The following BSN variants were observed in gnomAD, a reference collection of about 807,000 sequenced individuals.
BSN encodes the protein bassoon presynaptic cytomatrix protein, also known as protein bassoon.
A neutral mutation model predicts 264.8 loss-of-function variants in BSN; 57 were observed. The ratio of observed to expected loss-of-function variants is 0.22; its 90% CI spans 0.17 to 0.27. BSN has a LOEUF of 0.27. Among genes scored for constraint, BSN ranks in the 10% least tolerant of loss-of-function variants. The pLI, the probability that BSN is intolerant of heterozygous loss-of-function variation, is 1.00. For synonymous variants in BSN, 2,059 were observed against 2,137.3 expected (o/e 0.96, Z 1.01); for missense variants, 4,615 against 5,232.5 (o/e 0.88, Z 3.64).
At chr3:49,589,569 C>T (rs1158888796) in intron 1 of BSN, among the ~76,000 whole-genome samples, 1 of 148,714 alleles carries the variant, frequency 6.7e-6, no homozygotes, top group Non-Finnish European at 1.5e-5. Context: ...TGCAGTTGCG[C>T]AATCTCAGCT....
Position 49,655,383 on chromosome 3 carries a change from G to A in BSN, c.5827G>A (p.Gly1943Ser). ...PPGQSSSPFY[G>S]PRDPEPPEPP... is the part of the protein sequence containing the mutation. Reference sequence around the variant, plus strand: ...TGGCCAAAGCAGCAGCCCCTTCTATGGTCCCCGGGACCCTGAGCCTCCTGA... The same window carrying A: ...TGGCCAAAGCAGCAGCCCCTTCTATAGTCCCCGGGACCCTGAGCCTCCTGA... The change falls in exon 5 of 12, where the codon GGT (glycine) becomes AGT (serine). Residue 1943 changes from glycine (G) to serine (S), a missense_variant. Coordinates refer to ENST00000296452, the MANE Select transcript of BSN (RefSeq NM_003458.4). 1 of 1,583,284 alleles carries A rather than the reference G, an allele frequency of 6.3e-7. No individual in the cohort carries two copies. Among genetic ancestry groups the A allele is most frequent in the Non-Finnish European group, 8.6e-7 (1 of 1,164,438 alleles).
At position 49,661,560 on chromosome 3, in the gene BSN, G is replaced by A. The variant is rs756519701; in HGVS notation, c.9715G>A (p.Glu3239Lys). ...RNYVMIDDIS[E>K]LTKDSTSTAP... ...CTACGTAATGATTGATGACATCAGTGAACTGACCAAGGACAGCACCTCTAC... is the reference window on the plus strand; with the variant it reads ...CTACGTAATGATTGATGACATCAGTAAACTGACCAAGGACAGCACCTCTAC... The change falls in exon 6 of 12, where the codon GAA (glutamate) becomes AAA (lysine). Residue 3239 changes from glutamate (E) to lysine (K), a missense_variant. Coordinates refer to ENST00000296452, the MANE Select transcript of BSN (RefSeq NM_003458.4). 5 of 1,613,882 alleles carry A rather than the reference G, an allele frequency of 3.1e-6. No homozygotes were observed. Among genetic ancestry groups the A allele is most frequent in the East Asian group, 2.2e-5 (1 of 44,900 alleles).
At chr3:49,555,096 C>T (rs1448165542) in intron 1 of BSN, among the ~76,000 whole-genome samples, 4 of 152,208 alleles carry the variant, frequency 2.6e-5, no homozygotes, top group African/African-American at 9.6e-5. Flanking sequence ...TTCTCCCCAA[C>T]GCTCGGGCCT....
intron 1 of BSN, among the ~76,000 whole-genome samples, chr3:49,617,283 T>TTA (rs6147817): frequency 0.015 from 1,855 of 121,592 alleles, 13 homozygotes; most frequent in African/African-American, 0.026. Flanking sequence ...ATAAAATACA[T>TTA]TATATATATA....
Position 49,662,315 on chromosome 3 carries a change from C to T in BSN, c.10470C>T (p.His3490=). ...AGCCCTCATCCCTAAGTATGGCCCA[C>T]AGCCGGGTACGACCCCCCATGCGGA... ...GPKPSSLSMA[H]SRVRPPMRSQ... is the part of the protein sequence containing the mutation. Residue 3490 remains histidine (H), a synonymous_variant, in exon 6 of 12, where the codon CAC becomes CAT. Transcript: ENST00000296452. 1 of 1,613,766 alleles carries T rather than the reference C, an allele frequency of 6.2e-7. No homozygotes were observed. Among genetic ancestry groups the T allele is most frequent in the Non-Finnish European group, 8.5e-7 (1 of 1,179,880 alleles).
chr3:49,643,515 A>G (rs1208602753), intron 3 of BSN, among the ~76,000 whole-genome samples: 2 of 152,180 alleles, frequency 1.3e-5, no homozygotes, highest in Non-Finnish European at 1.5e-5. Flanking sequence ...CCACACTGCC[A>G]TGGACCTGTG....
intron 11 of BSN, among the ~76,000 whole-genome samples, chr3:49,666,332 C>A (rs1028921770): frequency 6.6e-6 from 1 of 152,154 alleles, no homozygotes; most frequent in African/African-American, 2.4e-5. Flanking sequence ...CAGTGGGGCC[C>A]TGGAAAGGCC....
At chr3:49,645,151 C>A (rs536502889) in intron 3 of BSN, among the ~76,000 whole-genome samples, 1 of 152,290 alleles carries the variant, frequency 6.6e-6, no homozygotes, top group Non-Finnish European at 1.5e-5. Context: ...GTCCCATGGG[C>A]CTGAAAGAAA....
In BSN at chr3:49,651,744, A is replaced by G; in HGVS notation, c.2188A>G (p.Ser730Gly). The G allele has an allele frequency of 6.2e-7, 1 of 1,613,570 alleles. No individual in the cohort carries two copies. Among genetic ancestry groups the G allele is most frequent in the Non-Finnish European group, 8.5e-7 (1 of 1,179,838 alleles). Residue 730 changes from serine (S) to glycine (G), a missense_variant, in exon 5 of 12, where the codon AGC (serine) becomes GGC (glycine). By Grantham distance (56) the Ser-to-Gly change is moderately conservative. Transcript: ENST00000296452. The surrounding 1 kb of genome is among the most constrained non-coding windows in gnomAD (Gnocchi z 5.4). ...CTCCGAGATCCACAAGGTGGGGAGC[A>G]GCATGCGGCCTTTGCTGCAGGCCCA... Reference protein sequence around the residue: ...SPSEIHKVGSSMRPLLQAQGL... With the variant: ...SPSEIHKVGSGMRPLLQAQGL...
At chr3:49,621,343 G>A (rs1436026662) in intron 1 of BSN, among the ~76,000 whole-genome samples, 2 of 152,196 alleles carry the variant, frequency 1.3e-5, no homozygotes, top group Non-Finnish European at 2.9e-5. Context: ...ACAGAAGCAC[G>A]TTTGTGTAAA....
chr3:49,628,534 C>T (rs552581564), intron 2 of BSN, among the ~76,000 whole-genome samples: 3 of 152,212 alleles, frequency 2.0e-5, no homozygotes, highest in Non-Finnish European at 2.9e-5. Flanking sequence ...CCTATCAGCC[C>T]TAGGCTGCTG....
intron 2 of BSN, among the ~76,000 whole-genome samples, chr3:49,636,374 T>C (rs1254737079): frequency 2.0e-5 from 3 of 152,006 alleles, no homozygotes; most frequent in Non-Finnish European, 4.4e-5. Context: ...AGAGGGTTAC[T>C]GGTGACTAAG....
intron 1 of BSN, among the ~76,000 whole-genome samples, chr3:49,563,872 T>C (rs1176516389): frequency 1.3e-5 from 2 of 152,198 alleles, no homozygotes; most frequent in Non-Finnish European, 1.5e-5. Flanking sequence ...AGAGTTCTTT[T>C]TTCCTGTTTG....
intron 10 of BSN, 105 bp downstream of exon 10, chr3:49,664,958 T>C: frequency 1.2e-6 from 1 of 853,778 alleles, no homozygotes; most frequent in Non-Finnish European, 1.9e-6. Flanking sequence ...AGGAGTCCAG[T>C]CTTCGGCTGG....
chr3:49,585,818 C>T lies in BSN; in HGVS notation c.224+30992C>T, dbSNP rs1321359346. Among the ~76,000 whole-genome samples the T allele has an allele frequency of 1.3e-5, 2 of 152,146 alleles. No homozygotes were observed. Among genetic ancestry groups the T allele is most frequent in the East Asian group, 3.8e-4 (2 of 5,204 alleles). On this transcript the variant is annotated intron_variant, in intron 1 of 11. Coordinates refer to ENST00000296452, the MANE Select transcript of BSN (RefSeq NM_003458.4). The surrounding 1 kb of genome is among the most constrained non-coding windows in gnomAD (Gnocchi z 4.7). ...TTTTAACTGGGGTGAGATGATACCT[C>T]ATTTAGTTTTGATTTGCATTTCTCT...
intron 1 of BSN, among the ~76,000 whole-genome samples, chr3:49,589,047 TGGGACTACAGGC>T (rs1208119975): frequency 2.6e-5 from 4 of 151,032 alleles, no homozygotes; most frequent in Non-Finnish European, 5.9e-5. Context: ...CCCGAGTAGC[TGGGACTACAGGC>T]GCCTGCCACC....
rs377498311 is a variant in BSN at position 49,652,373 on chromosome 3, G to A, written c.2817G>A (p.Thr939=). The change falls in exon 5 of 12, where the codon ACG becomes ACA. Residue 939 remains threonine, a synonymous_variant. Transcript: ENST00000296452. ...RRFKTIELNS[T]GSYGHELDLG... ...TCAAGACCATTGAGCTCAACAGCACGGGAAGTTATGGTCATGAGTTGGACC... is the reference window on the plus strand; with the variant it reads ...TCAAGACCATTGAGCTCAACAGCACAGGAAGTTATGGTCATGAGTTGGACC... 4.1e-5 allele frequency: 66 copies of A among 1,607,354 alleles called. No individual in the cohort carries two copies. Among genetic ancestry groups the A allele is most frequent in the South Asian group, 1.9e-4 (17 of 90,224 alleles).
In BSN at chr3:49,661,123, C is replaced by T. The variant is rs764181028; in HGVS notation, c.9278C>T (p.Ala3093Val). 5 of 1,612,530 alleles carry T rather than the reference C, an allele frequency of 3.1e-6. No individual in the cohort carries two copies. The South Asian group carries it at 5.5e-5, about 18-fold the overall frequency. Residue 3093 changes from alanine (A) to valine (V), a missense_variant, in exon 6 of 12, where the codon GCC becomes GTC. By Grantham distance (64) the Ala-to-Val change is moderately conservative. Around this residue, in one of 3 missense-constraint regions of BSN, gnomAD observed 3,415 missense variants for 3,866.4 expected, o/e 0.88. Transcript: ENST00000296452. ...GGCCCCAGCACGTACCCAGCTCCTG[C>T]CTTTCCTCCTGGTGCCAGTTACCCA... ...YPGPSTYPAP[A>V]FPPGASYPAE...
chr3:49,663,581 G>T lies in BSN; in HGVS notation c.11423G>T (p.Arg3808Leu). ...CAGCAACAGAGCCAGCCAACCACCC[G>T]GGGCTCAGCCCCTGCTGCCAGCCAG... ...RLQQQSQPTTRGSAPAASQPA... is the reference protein window; with the variant it reads ...RLQQQSQPTTLGSAPAASQPA... The change falls in exon 7 of 12, where the codon CGG becomes CTG. Residue 3808 changes from arginine to leucine, a missense_variant. Arg to Leu is a moderately radical substitution (Grantham distance 102, BLOSUM62 -2). Transcript: ENST00000296452. The T allele has an allele frequency of 6.2e-7, 1 of 1,605,764 alleles. No homozygotes were observed. The highest frequency in any genetic ancestry group is 1.1e-5 in the South Asian group (1 of 90,494).
Sources: allele counts gnomAD v4.1 joint callset (sites outside exome capture counted in the v4.1 genomes callset), GRCh38; gene constraint gnomAD v4.1.1; regional missense constraint gnomAD v4.1.1; non-coding constraint Gnocchi (gnomAD v3.1); transcripts MANE v1.5; gene names NCBI Gene and HGNC (gene_info 2026-07-23, HGNC 2026-07-21).